Variants in CACNA1E observed in about 807,000 individuals in gnomAD.
CACNA1E encodes the protein calcium voltage-gated channel subunit alpha1 E.
Under a neutral mutation model 259.2 loss-of-function variants are expected in CACNA1E, and 40 were observed. The observed-to-expected ratio is 0.15, with a 90% CI of 0.12 to 0.20. The LOEUF (loss-of-function observed/expected upper bound fraction) is 0.20. CACNA1E is among the 10% of genes least tolerant of loss of function. CACNA1E has a pLI of 1.00. For synonymous variants in CACNA1E, 1,104 were observed against 1,138.5 expected (o/e 0.97, Z 0.61); for missense variants, 1,874 against 3,040.1 (o/e 0.62, Z 9.02).
chr1:181,408,243 C>G (rs1657605120), intron 1 of CACNA1E, among the ~76,000 whole-genome samples: 1 of 151,962 alleles, frequency 6.6e-6, no homozygotes, highest in South Asian at 2.1e-4. Flanking sequence ...CTGGAGGAAT[C>G]AGAAAGAGAG....
In CACNA1E at chr1:181,598,878, T is replaced by A. The variant is rs186490571; in HGVS notation, c.951+18102T>A. On this transcript the variant is annotated intron_variant, in intron 6 of 47. Transcript: ENST00000367573. ...ACTGTGTTCCCTTCACCATGACTGC[T>A]AGCCGTCTAGGCTCTTTCCTGCTTC... Among the ~76,000 whole-genome samples the A allele has an allele frequency of 2.7e-3, 416 of 151,984 alleles. 8 individuals carry two copies. In the South Asian group the frequency reaches 0.057, roughly 21 times the overall value.
chr1:181,543,218 G>T (rs937671915), intron 3 of CACNA1E, among the ~76,000 whole-genome samples: 4 of 152,078 alleles, frequency 2.6e-5, no homozygotes, highest in African/African-American at 7.2e-5. Context: ...TTGAAAATTT[G>T]CATTTCTAAT....
chr1:181,479,741 CT>C (rs1252246891), upstream of CACNA1E, among the ~76,000 whole-genome samples: 1 of 152,168 alleles, frequency 6.6e-6, no homozygotes, highest in African/African-American at 2.4e-5. Context: ...TAGAATTACC[CT>C]ATTGCTGTCC....
chr1:181,667,695 C>G (rs1045333084), intron 7 of CACNA1E, among the ~76,000 whole-genome samples: 1 of 151,952 alleles, frequency 6.6e-6, no homozygotes, highest in African/African-American at 2.4e-5. Flanking sequence ...AAAGACATAC[C>G]AGAAACATCA....
At position 181,804,391 on chromosome 1, in the gene CACNA1E, C is replaced by T. The variant is rs574521183; in HGVS notation, c.*5557C>T. The T allele has an allele frequency of 1.3e-5, 2 of 152,206 alleles. No individual in the cohort carries two copies. The highest frequency in any genetic ancestry group is 4.8e-5 in the African/African-American group (2 of 41,530). The allele number at this position is 152,206 out of a possible 1,614,324, so 9.4% of individuals were successfully genotyped here. A position where few individuals can be genotyped will look rare whatever the true frequency, so the allele number is the denominator to read the frequency against. ...TCTTTCTCTTTCTGTCTAAATTGGCCTCTGTCTTTTCCTAAGGACTTAAAA... is the reference window on the plus strand; with the variant it reads ...TCTTTCTCTTTCTGTCTAAATTGGCTTCTGTCTTTTCCTAAGGACTTAAAA... On this transcript the variant is annotated 3_prime_UTR_variant, in exon 48 of 48. Transcript: ENST00000367573.
In CACNA1E at chr1:181,580,319, C is replaced by T. The variant is rs192518324; in HGVS notation, c.770-276C>T. On this transcript the variant is annotated intron_variant, in intron 5 of 47. Coordinates refer to ENST00000367573, the MANE Select transcript of CACNA1E (RefSeq NM_001205293.3). ...TTCAGTCCTCTTAATTCCTGTGGTACTTCAGGTGAGGGTAGAGGATGAAGC... is the reference window on the plus strand; with the variant it reads ...TTCAGTCCTCTTAATTCCTGTGGTATTTCAGGTGAGGGTAGAGGATGAAGC... Among the ~76,000 whole-genome samples, 5 of 152,258 alleles carry T rather than the reference C, an allele frequency of 3.3e-5. No individual in the cohort carries two copies. In the East Asian group the frequency reaches 9.6e-4, roughly 29 times the overall value.
chr1:181,686,917 T>G (rs2102299507), intron 7 of CACNA1E, among the ~76,000 whole-genome samples: 1 of 152,320 alleles, frequency 6.6e-6, no homozygotes, highest in Admixed American at 6.5e-5. Context: ...GTAGCTCACC[T>G]CAAAGACAGG....
rs370899738 is a variant in CACNA1E, at chr1:181,736,374, G to T, written c.3362G>T (p.Arg1121Leu). Residue 1121 changes from arginine to leucine, a missense_variant, in exon 22 of 48, where the codon CGT becomes CTT. By Grantham distance (102) the Arg-to-Leu change is moderately radical (BLOSUM62 -2). Coordinates refer to ENST00000367573, the MANE Select transcript of CACNA1E (RefSeq NM_001205293.3). ...AAGAAGAAGCAGAAGAAGGAGAAGC[G>T]TGAGACAGGCAAAGCCATGGTGCCC... is the stretch of plus-strand genomic sequence containing the variant. ...VEKKKQKKEKRETGKAMVPHS... is the reference protein window; with the variant it reads ...VEKKKQKKEKLETGKAMVPHS... 8 of 1,612,048 alleles carry T rather than the reference G, an allele frequency of 5.0e-6. No homozygotes were observed. The highest frequency in any genetic ancestry group is 6.8e-6 in the Non-Finnish European group (8 of 1,178,996).
At chr1:181,664,607 TATTA>T (rs1648027958) in intron 7 of CACNA1E, among the ~76,000 whole-genome samples, 1 of 152,188 alleles carries the variant, frequency 6.6e-6, no homozygotes, top group Admixed American at 6.5e-5. Flanking sequence ...GATTTTCTTG[TATTA>T]ATTAAAATTC....
At chr1:181,570,856 T>G (rs1426146847) in intron 3 of CACNA1E, among the ~76,000 whole-genome samples, 1 of 152,232 alleles carries the variant, frequency 6.6e-6, no homozygotes, top group African/African-American at 2.4e-5. Flanking sequence ...AAGTCCCTTT[T>G]GCCATAACAG....
intron 7 of CACNA1E, among the ~76,000 whole-genome samples, chr1:181,671,650 C>T (rs1001175986): frequency 2.0e-5 from 3 of 152,162 alleles, no homozygotes; most frequent in African/African-American, 7.2e-5. Context: ...TATTTCCCTA[C>T]AGGAGAAATG....
intron 1 of CACNA1E, among the ~76,000 whole-genome samples, chr1:181,490,283 C>T (rs1039867179): frequency 6.6e-6 from 1 of 152,110 alleles, no homozygotes. Flanking sequence ...TGCCACCTCC[C>T]AGAGCAGTGG....
At chr1:181,518,082 C>A (rs955031351) in intron 3 of CACNA1E, among the ~76,000 whole-genome samples, 1 of 151,936 alleles carries the variant, frequency 6.6e-6, no homozygotes, top group Non-Finnish European at 1.5e-5. Context: ...GGAGCAAGGG[C>A]AGAATGGGTA....
At chr1:181,383,524 C>T (rs1036610294) in intron 1 of CACNA1E, among the ~76,000 whole-genome samples, 1 of 152,206 alleles carries the variant, frequency 6.6e-6, no homozygotes, top group East Asian at 1.9e-4. Flanking sequence ...CTTTAGAAAA[C>T]TCTGACTGAG....
intron 3 of CACNA1E, among the ~76,000 whole-genome samples, chr1:181,549,771 C>T (rs1433440133): frequency 6.6e-6 from 1 of 152,124 alleles, no homozygotes; most frequent in Non-Finnish European, 1.5e-5. Context: ...GGCATGGAGA[C>T]CAGAGCAAGC....
rs780299473 is a variant in CACNA1E, at chr1:181,732,864, C to A, written c.2778C>A (p.Val926=). The change falls in exon 20 of 48, where the codon GTC becomes GTA. Residue 926 remains valine, a synonymous_variant. Transcript: ENST00000367573. The surrounding 1 kb of genome is among the most constrained non-coding windows in gnomAD (Gnocchi z 5.5). The part of the protein sequence containing the change: ...QSQRRSRHRR[V]RTEGKESSSA... ...AACGGCGCAGCCGGCATCGCCGCGT[C>A]AGGACAGAAGGCAAGGAGTCCTCTT... is the stretch of plus-strand genomic sequence containing the variant. 1 of 1,613,888 alleles carries A rather than the reference C, an allele frequency of 6.2e-7. No individual in the cohort carries two copies.
At chr1:181,400,411 G>T (rs1339145460) in intron 1 of CACNA1E, among the ~76,000 whole-genome samples, 1 of 152,154 alleles carries the variant, frequency 6.6e-6, no homozygotes, top group Non-Finnish European at 1.5e-5. Flanking sequence ...CATCTGGGCT[G>T]CAGACCCTCT....
intron 2 of CACNA1E, among the ~76,000 whole-genome samples, chr1:181,449,645 G>T (rs1661018943): frequency 6.6e-6 from 1 of 152,206 alleles, no homozygotes; most frequent in Non-Finnish European, 1.5e-5. Context: ...TTTGTATCCA[G>T]GAGGGTGGGA....
rs114108199 is a variant in CACNA1E at position 181,577,737 on chromosome 1, C to A, written c.513-29C>A. The A allele has an allele frequency of 7.3e-4, 1,086 of 1,478,528 alleles. 12 individuals carry two copies. The African/African-American group carries it at 9.7e-3, about 13-fold the overall frequency. 91.6% of individuals were successfully genotyped at this position (1,478,528 alleles called of 1,614,324 possible). A position where few individuals can be genotyped will look rare whatever the true frequency, so the allele number is the denominator to read the frequency against. ...CAAGAGGGGAAAACCAGACTGGTAA[C>A]CTTGACCCTTCTGTGTCTCTGTCTG... is the stretch of plus-strand genomic sequence containing the variant. On this transcript the variant is annotated intron_variant, in intron 3 of 47. Coordinates refer to ENST00000367573, the MANE Select transcript of CACNA1E (RefSeq NM_001205293.3).
Sources: allele counts gnomAD v4.1 joint callset (sites outside exome capture counted in the v4.1 genomes callset), GRCh38; gene constraint gnomAD v4.1.1; non-coding constraint Gnocchi (gnomAD v3.1); transcripts MANE v1.5; gene names NCBI Gene and HGNC (gene_info 2026-07-23, HGNC 2026-07-21).